The following PALLD variants were observed in gnomAD, a reference collection of about 807,000 sequenced individuals.
PALLD encodes the protein palladin, cytoskeletal associated protein.
Under a neutral mutation model 123.5 loss-of-function variants are expected in PALLD, and 61 were observed. The ratio of observed to expected loss-of-function variants is 0.49; its 90% CI spans 0.40 to 0.61. PALLD has a LOEUF of 0.61. Among genes scored for constraint, PALLD ranks in the 20% least tolerant of loss-of-function variants. PALLD has a pLI of 0.00. For missense variants in PALLD, 1,273 were observed against 1,377.0 expected, an observed-to-expected ratio of 0.92 and a Z score of 1.20; for synonymous variants, 465 against 496.4, an observed-to-expected ratio of 0.94 and a Z score of 0.84.
chr4:168,781,812 A>G (rs1200030229), intron 10 of PALLD, among the ~76,000 whole-genome samples: 5 of 152,228 alleles, frequency 3.3e-5, no homozygotes, highest in Admixed American at 6.5e-5. Context: ...GTTCAAGTAC[A>G]AGCTAAAAGT....
Position 168,890,811 on chromosome 4 carries a change from T to C in PALLD, c.1965-111T>C, listed in dbSNP as rs1451528841. Reference sequence around the variant, plus strand: ...GTTGCAACAGATGTAGCATAAAAAATAGTGGGAGTGACATGCTGATACCTT... The same window carrying C: ...GTTGCAACAGATGTAGCATAAAAAACAGTGGGAGTGACATGCTGATACCTT... On this transcript the variant is annotated intron_variant, in intron 10 of 21. Transcript: ENST00000505667. 6.5e-6 allele frequency: 7 copies of C among 1,072,938 alleles called. No homozygotes were observed. In the East Asian group the frequency reaches 1.4e-4, roughly 22 times the overall value. The allele number at this position is 1,072,938 out of a possible 1,614,324, so 66.5% of individuals were successfully genotyped here.
chr4:168,625,010 G>C (rs1011295746), intron 2 of PALLD, among the ~76,000 whole-genome samples: 1 of 152,014 alleles, frequency 6.6e-6, no homozygotes, highest in African/African-American at 2.4e-5. Flanking sequence ...ATTTAATTCT[G>C]ATGATACAAA....
chr4:168,535,624 T>A (rs147183872), intron 2 of PALLD, among the ~76,000 whole-genome samples: 1 of 152,324 alleles, frequency 6.6e-6, no homozygotes, highest in African/African-American at 2.4e-5. Context: ...ATGGTGGGTA[T>A]CACAATGGAT....
At chr4:168,867,782 G>A (rs773151100) in intron 10 of PALLD, among the ~76,000 whole-genome samples, 19 of 151,846 alleles carry the variant, frequency 1.3e-4, no homozygotes, top group Non-Finnish European at 2.5e-4. Context: ...GCTGATAACA[G>A]CAATTTCTTG....
chr4:168,503,720 T>C (rs1311455706), intron 1 of PALLD, among the ~76,000 whole-genome samples: 3 of 149,404 alleles, frequency 2.0e-5, no homozygotes, highest in Admixed American at 2.0e-4. Context: ...AGTGCAAAGG[T>C]GTGAAAACCA....
At chr4:168,843,194 A>G (rs1230096392) in intron 10 of PALLD, among the ~76,000 whole-genome samples, 1 of 152,184 alleles carries the variant, frequency 6.6e-6, no homozygotes, top group African/African-American at 2.4e-5. Flanking sequence ...GCTAGTTTAT[A>G]TTTCAGGAGG....
intron 10 of PALLD, among the ~76,000 whole-genome samples, chr4:168,746,678 T>G: frequency 6.6e-6 from 1 of 152,182 alleles, no homozygotes; most frequent in East Asian, 1.9e-4. Context: ...AAAGTTATTA[T>G]TTTTAAATGC....
chr4:168,529,716 T>A (rs1227631648), intron 2 of PALLD, among the ~76,000 whole-genome samples: 2 of 152,092 alleles, frequency 1.3e-5, no homozygotes, highest in African/African-American at 4.8e-5. Context: ...AATTACAAAA[T>A]CAAATAAAGC....
chr4:168,879,955 T>C (rs1476751330), intron 10 of PALLD, among the ~76,000 whole-genome samples: 3 of 152,216 alleles, frequency 2.0e-5, no homozygotes, highest in Admixed American at 1.3e-4. Flanking sequence ...GAGCCAGAGT[T>C]TGTTGCATGA....
chr4:168,840,368 G>A (rs1028082562), intron 10 of PALLD, among the ~76,000 whole-genome samples: 3 of 152,180 alleles, frequency 2.0e-5, no homozygotes, highest in African/African-American at 7.2e-5. Flanking sequence ...AAATGTCTTT[G>A]AAGGGCAGAA....
At chr4:168,652,232 T>G (rs1170562481) in intron 2 of PALLD, among the ~76,000 whole-genome samples, 1 of 152,118 alleles carries the variant, frequency 6.6e-6, no homozygotes, top group Admixed American at 6.5e-5. Flanking sequence ...AAGCATGAGA[T>G]TCTTCCCCAA....
intron 2 of PALLD, among the ~76,000 whole-genome samples, chr4:168,528,190 A>G (rs1023503434): frequency 1.3e-5 from 2 of 152,172 alleles, no homozygotes; most frequent in Non-Finnish European, 2.9e-5. Flanking sequence ...ATGACCCATA[A>G]TTATTATCCA....
chr4:168,636,396 G>C (rs985741094), intron 2 of PALLD, among the ~76,000 whole-genome samples: 2 of 152,188 alleles, frequency 1.3e-5, no homozygotes, highest in Non-Finnish European at 2.9e-5. Context: ...GAGGCGAGAA[G>C]ATCGCTTGAG....
chr4:168,748,007 A>G (rs1277277278), intron 10 of PALLD, among the ~76,000 whole-genome samples: 1 of 152,182 alleles, frequency 6.6e-6, no homozygotes, highest in African/African-American at 2.4e-5. Flanking sequence ...TTCTGAATTT[A>G]TTTGTAATTA....
At chr4:168,630,132 T>C (rs1775675561) in intron 2 of PALLD, among the ~76,000 whole-genome samples, 1 of 152,198 alleles carries the variant, frequency 6.6e-6, no homozygotes, top group Non-Finnish European at 1.5e-5. Context: ...GGAAAGATCT[T>C]TCTAAGAACC....
intron 1 of PALLD, among the ~76,000 whole-genome samples, chr4:168,499,348 G>A (rs1393106295): frequency 1.0e-5 from 1 of 96,066 alleles, no homozygotes; most frequent in Non-Finnish European, 2.2e-5. Flanking sequence ...GGAGGCAGAA[G>A]GGAGGGAGGG....
rs201859272 is a variant in PALLD at position 168,772,261 on chromosome 4, AAC to A, written c.1964+60342_1964+60343del. On this transcript the variant is annotated intron_variant, in intron 10 of 21. Transcript: ENST00000505667. ...GTTGGCCTTCAGGATCTAGGCTCCTAACACAATGCACCAAAGCCAAGTCAGTG... is the reference window on the plus strand; with the variant it reads ...GTTGGCCTTCAGGATCTAGGCTCCTAACAATGCACCAAAGCCAAGTCAGTG... Among the ~76,000 whole-genome samples, 1,172 of 152,316 alleles carry A rather than the reference AAC, an allele frequency of 7.7e-3. 5 individuals carry two copies. Among genetic ancestry groups the A allele is most frequent in the Middle Eastern group, 0.024 (7 of 294 alleles).
At chr4:168,641,782 T>C (rs938184742) in intron 2 of PALLD, among the ~76,000 whole-genome samples, 2 of 152,144 alleles carry the variant, frequency 1.3e-5, no homozygotes, top group Non-Finnish European at 2.9e-5. Flanking sequence ...TCTACTCCCG[T>C]GCACCCCAGC....
intron 10 of PALLD, among the ~76,000 whole-genome samples, chr4:168,811,691 G>A (rs763831574): frequency 4.0e-5 from 6 of 151,758 alleles, no homozygotes; most frequent in South Asian, 4.2e-4. Context: ...AGCCATAATC[G>A]CAATCATACC....
Sources: gnomAD v4.1 joint callset for allele counts (sites outside exome capture counted in the v4.1 genomes callset) on GRCh38, gnomAD v4.1.1 for gene constraint, MANE v1.5 for transcripts, NCBI Gene and HGNC (gene_info 2026-07-23, HGNC 2026-07-21) for gene names.